Variants in ATRNL1 observed in about 807,000 individuals in gnomAD.
ATRNL1 encodes the protein attractin like 1, also known as attractin-like protein 1.
Under a neutral mutation model 182.7 loss-of-function variants are expected in ATRNL1, and 95 were observed. The observed-to-expected ratio is 0.52, with a 90% CI of 0.44 to 0.62. The LOEUF (loss-of-function observed/expected upper bound fraction) is 0.62, where lower values mean the gene tolerates loss of function less well. Ranked by LOEUF, ATRNL1 falls within the 20% of genes least tolerant of loss-of-function variation. ATRNL1 has a pLI of 0.00. For missense variants in ATRNL1, 1,471 were observed against 1,679.5 expected (o/e 0.88, Z 2.17); for synonymous variants, 576 against 568.3 (o/e 1.01, Z -0.19).
At chr10:115,105,031 AT>A (rs1843942870) in intron 1 of ATRNL1, among the ~76,000 whole-genome samples, 1 of 151,836 alleles carries the variant, frequency 6.6e-6, no homozygotes, top group Admixed American at 6.6e-5. Context: ...GGCTTTGGCT[AT>A]TCTGGGTCTT....
chr10:115,673,737 TCCCCATAA>T (rs1945773373), intron 26 of ATRNL1, among the ~76,000 whole-genome samples: 2 of 152,112 alleles, frequency 1.3e-5, no homozygotes, highest in Non-Finnish European at 2.9e-5. Context: ...CTTTGCTCCT[TCCCCATAA>T]ACAGGTAGTC....
At chr10:115,682,660 G>A (rs1555045072) in intron 26 of ATRNL1, among the ~76,000 whole-genome samples, 1 of 150,320 alleles carries the variant, frequency 6.7e-6, no homozygotes, top group Non-Finnish European at 1.5e-5. Context: ...ACACTCAATA[G>A]ATAATACATA....
intron 26 of ATRNL1, among the ~76,000 whole-genome samples, chr10:115,619,806 A>T (rs1400079220): frequency 6.6e-6 from 1 of 152,186 alleles, no homozygotes; most frequent in Non-Finnish European, 1.5e-5. Flanking sequence ...TTTATTTTTA[A>T]CAACACCTGG....
At chr10:115,717,417 T>C (rs1555056588) in intron 26 of ATRNL1, among the ~76,000 whole-genome samples, 1 of 152,132 alleles carries the variant, frequency 6.6e-6, no homozygotes, top group Non-Finnish European at 1.5e-5. Flanking sequence ...CCCAATATTA[T>C]ACTTTGGCCA....
chr10:115,138,664 TG>T lies in ATRNL1; in HGVS notation c.829+9132del, dbSNP rs1219938785. On this transcript the variant is annotated intron_variant, in intron 5 of 28. Transcript: ENST00000355044. ...TAGGCTGTACAGAGCAGGGGGGCCC[TG>T]GGCCTGAGCCATGAAGTCATCTTTT... 5.9e-5 allele frequency among the ~76,000 whole-genome samples: 9 copies of T among 152,306 alleles called. No homozygotes were observed. The East Asian group carries it at 1.7e-3, about 30-fold the overall frequency.
chr10:115,531,332 A>G, intron 25 of ATRNL1, among the ~76,000 whole-genome samples: 1 of 152,002 alleles, frequency 6.6e-6, no homozygotes, highest in African/African-American at 2.4e-5. Flanking sequence ...GACTGGTGTG[A>G]GATGGTATCT....
intron 3 of ATRNL1, among the ~76,000 whole-genome samples, chr10:115,123,312 C>T (rs1162187962): frequency 6.6e-6 from 1 of 152,092 alleles, no homozygotes; most frequent in Non-Finnish European, 1.5e-5. Flanking sequence ...GTACTAAGTA[C>T]TATTATCCCC....
intron 27 of ATRNL1, among the ~76,000 whole-genome samples, chr10:115,776,898 T>C (rs1949141444): frequency 6.6e-6 from 1 of 152,166 alleles, no homozygotes. Context: ...GGCTCACACC[T>C]GTAATCCCAG....
chr10:115,154,997 A>G (rs975867873), intron 5 of ATRNL1, among the ~76,000 whole-genome samples: 1 of 152,112 alleles, frequency 6.6e-6, no homozygotes. Flanking sequence ...TGATGGCTAC[A>G]TATTTGTTTA....
At chr10:115,903,641 C>T (rs1264984881) in intron 28 of ATRNL1, among the ~76,000 whole-genome samples, 1 of 152,164 alleles carries the variant, frequency 6.6e-6, no homozygotes, top group Non-Finnish European at 1.5e-5. Context: ...ATATTTATCA[C>T]CTTTAATACC....
At chr10:115,346,860 G>A (rs1248988428) in intron 19 of ATRNL1, among the ~76,000 whole-genome samples, 1 of 151,954 alleles carries the variant, frequency 6.6e-6, no homozygotes, top group Non-Finnish European at 1.5e-5. Context: ...CCTTTAAAAC[G>A]CAAAAGTTTC....
chr10:115,554,331 T>C (rs1214859309), intron 26 of ATRNL1, among the ~76,000 whole-genome samples: 2 of 151,670 alleles, frequency 1.3e-5, no homozygotes, highest in Non-Finnish European at 3.0e-5. Context: ...CGCATGCCTA[T>C]TGCATTATCA....
intron 1 of ATRNL1, among the ~76,000 whole-genome samples, chr10:115,108,660 A>G (rs1033575745): frequency 6.6e-6 from 1 of 152,194 alleles, no homozygotes; most frequent in African/African-American, 2.4e-5. Context: ...CTGGCAGAGA[A>G]GAGAGGATGG....
chr10:115,728,741 G>A (rs1267504000), intron 27 of ATRNL1, among the ~76,000 whole-genome samples: 1 of 152,066 alleles, frequency 6.6e-6, no homozygotes, highest in Non-Finnish European at 1.5e-5. Flanking sequence ...GACATTTTGT[G>A]TACTTGATTT....
intron 19 of ATRNL1, among the ~76,000 whole-genome samples, chr10:115,384,422 CT>C (rs1319522976): frequency 1.1e-4 from 16 of 152,034 alleles, no homozygotes; most frequent in East Asian, 3.9e-4. Flanking sequence ...TTTTTAATTT[CT>C]TTTGGTCACA....
rs111601619 is a variant in ATRNL1 at position 115,917,014 on chromosome 10, G to A, written c.4019-27644G>A. 4.8e-3 allele frequency among the ~76,000 whole-genome samples: 734 copies of A among 152,314 alleles called. 3 individuals are homozygous for A. The highest frequency in any genetic ancestry group is 0.013 in the African/African-American group (557 of 41,584). Reference sequence around the variant, plus strand: ...CACTTTTGCAATACAAGTGAAGAGAGCTGCTATATACAGCCTTACAGGTCG... The same window carrying A: ...CACTTTTGCAATACAAGTGAAGAGAACTGCTATATACAGCCTTACAGGTCG... On this transcript the variant is annotated intron_variant, in intron 28 of 28. Transcript: ENST00000355044.
intron 26 of ATRNL1, among the ~76,000 whole-genome samples, chr10:115,708,823 C>T (rs2134012399): frequency 6.6e-6 from 1 of 151,842 alleles, no homozygotes; most frequent in Non-Finnish European, 1.5e-5. Context: ...ATTACTTTGA[C>T]GAGCCTACAG....
intron 26 of ATRNL1, among the ~76,000 whole-genome samples, chr10:115,571,298 A>G (rs2133862709): frequency 6.6e-6 from 1 of 152,268 alleles, no homozygotes; most frequent in South Asian, 2.1e-4. Context: ...CTGCTTTTTC[A>G]TGGAAGGAAG....
Position 115,219,495 on chromosome 10 carries a change from C to A in ATRNL1, c.1532+3615C>A, listed in dbSNP as rs551832108. Among the ~76,000 whole-genome samples the A allele has an allele frequency of 6.6e-5, 10 of 152,272 alleles. 1 individual carries two copies. The highest frequency in any genetic ancestry group is 6.2e-4 in the South Asian group (3 of 4,824). On this transcript the variant is annotated intron_variant, in intron 9 of 28. Transcript: ENST00000355044. The stretch of plus-strand genomic sequence containing the variant: ...AAACCAGAAAGCTGCCTAGTCATGG[C>A]AGATACTCCATTTGTGCGTATATTG...
Sources: gnomAD v4.1 joint callset for allele counts (sites outside exome capture counted in the v4.1 genomes callset) on GRCh38, gnomAD v4.1.1 for gene constraint, MANE v1.5 for transcripts, NCBI Gene and HGNC (gene_info 2026-07-23, HGNC 2026-07-21) for gene names.